The following MPP7 variants were observed in gnomAD, a reference collection of about 807,000 sequenced individuals.
MPP7 encodes MAGUK p55 subfamily member 7.
Under a neutral mutation model 76.5 loss-of-function variants are expected in MPP7, and 60 were observed. The observed-to-expected ratio is 0.78, with a 90% CI of 0.64 to 0.97. MPP7 has a LOEUF of 0.97. Ranked by LOEUF, MPP7 falls within the 50% of genes least tolerant of loss-of-function variation. The pLI, the probability that MPP7 is intolerant of heterozygous loss-of-function variation, is 0.00. For synonymous variants in MPP7, 237 were observed against 244.5 expected (o/e 0.97, Z 0.29); for missense variants, 641 against 694.0 (o/e 0.92, Z 0.86).
intron 11 of MPP7, among the ~76,000 whole-genome samples, chr10:28,097,469 G>A (rs917327502): frequency 4.5e-4 from 68 of 151,956 alleles, no homozygotes; most frequent in African/African-American, 1.5e-3. Flanking sequence ...CTATGAGGTG[G>A]GTATAACAAT....
At chr10:28,211,234 G>A (rs573517737) in intron 2 of MPP7, among the ~76,000 whole-genome samples, 1 of 152,164 alleles carries the variant, frequency 6.6e-6, no homozygotes, top group East Asian at 1.9e-4. Context: ...TAGTAGCTGG[G>A]ACTACAGGAG....
chr10:28,199,016 C>A (rs536711354), intron 3 of MPP7, among the ~76,000 whole-genome samples: 1 of 152,050 alleles, frequency 6.6e-6, no homozygotes, highest in Non-Finnish European at 1.5e-5. Flanking sequence ...CAGTTCCATG[C>A]GGCTGGGGAA....
At chr10:28,240,704 T>C (rs867041054) in intron 1 of MPP7, among the ~76,000 whole-genome samples, 1 of 152,120 alleles carries the variant, frequency 6.6e-6, no homozygotes, top group African/African-American at 2.4e-5. Flanking sequence ...CTTCATAAAT[T>C]ATTCTAAAAA....
At chr10:28,301,652 C>A (rs1419686981) in intron 1 of MPP7, among the ~76,000 whole-genome samples, 4 of 152,148 alleles carry the variant, frequency 2.6e-5, no homozygotes, top group Non-Finnish European at 5.9e-5. Context: ...CCTTTCATTT[C>A]TAGGGCTTTC....
At chr10:28,093,745 C>G (rs1265841905) in intron 11 of MPP7, among the ~76,000 whole-genome samples, 1 of 152,136 alleles carries the variant, frequency 6.6e-6, no homozygotes, top group African/African-American at 2.4e-5. Context: ...CCACACCCAG[C>G]CAAGTTTTTA....
intron 11 of MPP7, among the ~76,000 whole-genome samples, chr10:28,098,371 A>G (rs7091158): frequency 0.25 from 37,201 of 151,764 alleles, 6,307 homozygotes; most frequent in East Asian, 0.76. Context: ...TACTTTTTTT[A>G]GTAATATAAA....
intron 3 of MPP7, among the ~76,000 whole-genome samples, chr10:28,154,746 G>GGC (rs1835994563): frequency 1.1e-5 from 1 of 90,644 alleles, no homozygotes; most frequent in Non-Finnish European, 2.1e-5. Flanking sequence ...TAGTTGGGGT[G>GGC]GGGGGTGGTG....
chr10:28,172,924 T>A (rs1564676157), intron 3 of MPP7, among the ~76,000 whole-genome samples: 7 of 152,212 alleles, frequency 4.6e-5, no homozygotes. Flanking sequence ...GAGTGCTTAC[T>A]ATGGCCGGAC....
Position 28,189,873 on chromosome 10 carries a change from ACAGAGACTGT to A in MPP7, c.156+12270_156+12279del, listed in dbSNP as rs1043021513. On this transcript the variant is annotated intron_variant, in intron 3 of 16. Transcript: ENST00000683449. ...ATGATCTAAATATACCAATTAAAAA[ACAGAGACTGT>A]CAGAATGGATAAAAAGAAAGACCCA... Among the ~76,000 whole-genome samples the A allele has an allele frequency of 4.3e-4, 66 of 152,246 alleles. 1 individual carries two copies. The highest frequency in any genetic ancestry group is 6.8e-3 in the Middle Eastern group (2 of 294).
At chr10:28,079,373 C>T (rs1852651044) in intron 12 of MPP7, among the ~76,000 whole-genome samples, 1 of 151,670 alleles carries the variant, frequency 6.6e-6, no homozygotes, top group East Asian at 1.9e-4. Context: ...AAGAAACAAG[C>T]CAGGTGCAGC....
intron 13 of MPP7, among the ~76,000 whole-genome samples, chr10:28,066,990 A>G (rs1341361438): frequency 1.3e-5 from 2 of 152,218 alleles, no homozygotes; most frequent in African/African-American, 4.8e-5. Flanking sequence ...GCTCTTATGA[A>G]TAATGACTAA....
chr10:28,131,522 A>G (rs1380883096), intron 6 of MPP7, 38 bp downstream of exon 6: 1 of 1,514,068 alleles, frequency 6.6e-7, no homozygotes, highest in South Asian at 1.2e-5. Context: ...ATTTGGCCCT[A>G]TCATGGTATC....
chr10:28,254,026 A>G, intron 1 of MPP7, among the ~76,000 whole-genome samples: 1 of 150,004 alleles, frequency 6.7e-6, no homozygotes, highest in African/African-American at 2.5e-5. Context: ...AAAAAAAAAA[A>G]AAAAAGACAT....
chr10:28,173,334 T>C (rs904902785), intron 3 of MPP7, among the ~76,000 whole-genome samples: 9 of 151,860 alleles, frequency 5.9e-5, no homozygotes, highest in African/African-American at 2.2e-4. Flanking sequence ...ATCTACCCAC[T>C]CAACAATGTA....
At chr10:28,154,107 A>G (rs1476981620) in intron 3 of MPP7, among the ~76,000 whole-genome samples, 14 of 152,200 alleles carry the variant, frequency 9.2e-5, no homozygotes, top group Admixed American at 9.2e-4. Flanking sequence ...TGCTAACTTT[A>G]CAATGTAGGA....
intron 2 of MPP7, chr10:28,236,452 T>A (rs1041248806): frequency 6.6e-6 from 1 of 151,874 alleles, no homozygotes; most frequent in Admixed American, 6.6e-5. Flanking sequence ...AAATAGGGCA[T>A]AACAAAATCT....
At chr10:28,197,188 T>C (rs536884135) in intron 3 of MPP7, among the ~76,000 whole-genome samples, 3 of 150,576 alleles carry the variant, frequency 2.0e-5, no homozygotes, top group African/African-American at 7.3e-5. Context: ...TTCCTTTTTT[T>C]TTTTTTTTTT....
chr10:28,204,380 T>C (rs773396435), intron 2 of MPP7, among the ~76,000 whole-genome samples: 1 of 148,688 alleles, frequency 6.7e-6, no homozygotes, highest in African/African-American at 2.5e-5. Flanking sequence ...GAGGTGGAGG[T>C]TGGAGTTAGC....
chr10:28,297,757 C>G (rs373585095), intron 1 of MPP7, among the ~76,000 whole-genome samples: 1 of 152,204 alleles, frequency 6.6e-6, no homozygotes, highest in African/African-American at 2.4e-5. Flanking sequence ...CAGAAAAGAT[C>G]TCTCTTTTGG....
Sources: allele counts gnomAD v4.1 joint callset (sites outside exome capture counted in the v4.1 genomes callset), GRCh38; gene constraint gnomAD v4.1.1; transcripts MANE v1.5; gene names NCBI Gene and HGNC (gene_info 2026-07-23, HGNC 2026-07-21).